Variants in EYA4 observed in about 807,000 individuals in gnomAD.
EYA4 encodes EYA transcriptional coactivator and phosphatase 4.
A neutral mutation model predicts 87.9 loss-of-function variants in EYA4; 31 were observed. The ratio of observed to expected loss-of-function variants is 0.35; its 90% CI spans 0.27 to 0.48. The LOEUF is 0.48. EYA4 is among the 20% of genes least tolerant of loss of function. The pLI is 0.99. For missense variants in EYA4, 678 were observed against 761.4 expected (o/e 0.89, Z 1.29); for synonymous variants, 263 against 270.6 (o/e 0.97, Z 0.28).
At chr6:133,246,021 C>T (rs1302823808) in intron 1 of EYA4, among the ~76,000 whole-genome samples, 1 of 152,130 alleles carries the variant, frequency 6.6e-6, no homozygotes, top group Admixed American at 6.5e-5. Flanking sequence ...CCTTTCACAC[C>T]TCCAGAAAAA....
intron 3 of EYA4, among the ~76,000 whole-genome samples, chr6:133,442,807 A>G (rs1792433991): frequency 6.6e-6 from 1 of 152,110 alleles, no homozygotes; most frequent in Non-Finnish European, 1.5e-5. Context: ...GAGTGCTTTT[A>G]TCAGACAGAG....
chr6:133,462,733 A>G lies in EYA4; in HGVS notation c.693A>G (p.Pro231=). 6.2e-7 allele frequency: 1 copy of G among 1,613,952 alleles called. No individual in the cohort carries two copies. Among genetic ancestry groups the G allele is most frequent in the Admixed American group, 1.7e-5 (1 of 59,982 alleles). The change falls in exon 9 of 20, where the codon CCA becomes CCG. Residue 231 remains proline, a synonymous_variant. Coordinates refer to ENST00000355286, the MANE Select transcript of EYA4 (RefSeq NM_004100.5). The part of the protein sequence containing the change: ...SYSPGFSTPQ[P]GQTPYSYQMP... ...GCCCAGGGTTCTCTACCCCACAGCC[A>G]GGCCAGACACCTTATTCTTACCAAA...
intron 2 of EYA4, among the ~76,000 whole-genome samples, chr6:133,319,614 C>T (rs1582944020): frequency 6.6e-6 from 1 of 150,968 alleles, no homozygotes; most frequent in East Asian, 2.0e-4. Context: ...GATATTCTTT[C>T]TAACCCCATG....
chr6:133,292,361 C>G (rs1778555239), intron 2 of EYA4, among the ~76,000 whole-genome samples: 1 of 152,098 alleles, frequency 6.6e-6, no homozygotes, highest in African/African-American at 2.4e-5. Flanking sequence ...TTTCATAATG[C>G]CAGAGTAATT....
chr6:133,476,251 G>T (rs900008553), intron 11 of EYA4, among the ~76,000 whole-genome samples: 1 of 151,950 alleles, frequency 6.6e-6, no homozygotes, highest in Non-Finnish European at 1.5e-5. Flanking sequence ...TTATCATTTT[G>T]TGGTGAGAAC....
chr6:133,370,349 AT>A (rs1469982999), intron 2 of EYA4, among the ~76,000 whole-genome samples: 1 of 152,200 alleles, frequency 6.6e-6, no homozygotes, highest in Non-Finnish European at 1.5e-5. Context: ...GCAGTCACAC[AT>A]TTAAGTGTAG....
At chr6:133,264,639 G>A (rs1309081364) in intron 1 of EYA4, among the ~76,000 whole-genome samples, 1 of 152,204 alleles carries the variant, frequency 6.6e-6, no homozygotes, top group Admixed American at 6.5e-5. Flanking sequence ...AAGCCTAGGT[G>A]TTTGGCTTTG....
At chr6:133,493,473 A>C (rs956657640) in intron 13 of EYA4, among the ~76,000 whole-genome samples, 2 of 152,172 alleles carry the variant, frequency 1.3e-5, no homozygotes, top group African/African-American at 4.8e-5. Context: ...TAAATATAAG[A>C]TCTCAAACTA....
At position 133,481,660 on chromosome 6, in the gene EYA4, C is replaced by G. The variant is rs1386274829; in HGVS notation, c.1107+61C>G. 8 of 1,540,234 alleles carry G rather than the reference C, an allele frequency of 5.2e-6. No individual in the cohort carries two copies. In the African/African-American group the frequency reaches 6.8e-5, roughly 13 times the overall value. The stretch of plus-strand genomic sequence containing the variant: ...GCTTTATTTTACCGAATGATACATT[C>G]TCTATCTTACAGTTCCATTATGTTT... On this transcript the variant is annotated intron_variant, in intron 12 of 19. Coordinates refer to ENST00000355286, the MANE Select transcript of EYA4 (RefSeq NM_004100.5).
intron 2 of EYA4, among the ~76,000 whole-genome samples, chr6:133,334,178 G>A (rs1420379364): frequency 6.6e-6 from 1 of 152,160 alleles, no homozygotes; most frequent in Non-Finnish European, 1.5e-5. Flanking sequence ...AAACTTACAA[G>A]ACAACAGAAA....
At chr6:133,251,256 T>A (rs566347072) in intron 1 of EYA4, among the ~76,000 whole-genome samples, 1 of 152,318 alleles carries the variant, frequency 6.6e-6, no homozygotes, top group East Asian at 1.9e-4. Flanking sequence ...CTCAGTTGCT[T>A]TTTTTTCAGC....
chr6:133,527,396 C>T lies in EYA4; in HGVS notation c.1840-1329C>T, dbSNP rs186060548. Among the ~76,000 whole-genome samples the T allele has an allele frequency of 1.1e-4, 16 of 152,260 alleles. No homozygotes were observed. The East Asian group carries it at 2.7e-3, about 26-fold the overall frequency. The stretch of plus-strand genomic sequence containing the variant: ...GTTTAGGAATAGGAATGTCTAGCTG[C>T]GCTCTTCCATAGAAACATGTAATAT... On this transcript the variant is annotated intron_variant, in intron 19 of 19. Transcript: ENST00000355286.
intron 4 of EYA4, among the ~76,000 whole-genome samples, 199 bp from the exon 5 acceptor site, chr6:133,447,912 A>C (rs1793013868): frequency 6.6e-6 from 1 of 152,230 alleles, no homozygotes; most frequent in Non-Finnish European, 1.5e-5. Context: ...CTCTAGGAAC[A>C]GACTGGTGAA....
At chr6:133,485,095 T>G (rs1277001809) in intron 13 of EYA4, among the ~76,000 whole-genome samples, 2 of 152,222 alleles carry the variant, frequency 1.3e-5, no homozygotes, top group African/African-American at 4.8e-5. Context: ...AAACTGGCTT[T>G]AAGAGCAATT....
At chr6:133,252,998 C>G (rs978627234) in intron 1 of EYA4, among the ~76,000 whole-genome samples, 4 of 149,790 alleles carry the variant, frequency 2.7e-5, no homozygotes, top group Non-Finnish European at 3.0e-5. Context: ...CACTCACTCT[C>G]TCTCTCTCAC....
Position 133,531,186 on chromosome 6 carries a change from T to A in EYA4, c.*2381T>A, listed in dbSNP as rs1261122884. 1 of 1,535,148 alleles carries A rather than the reference T, an allele frequency of 6.5e-7. No homozygotes were observed. The highest frequency in any genetic ancestry group is 1.4e-5 in the African/African-American group (1 of 73,136). ...CCCCGTGCAGTTTCTCACACACATC[T>A]CTTTTTCTGATTCTGTGTTCAGAAG... On this transcript the variant is annotated 3_prime_UTR_variant, in exon 20 of 20. Coordinates refer to ENST00000355286, the MANE Select transcript of EYA4 (RefSeq NM_004100.5).
At chr6:133,398,805 A>T (rs956023811) in intron 3 of EYA4, among the ~76,000 whole-genome samples, 1 of 152,190 alleles carries the variant, frequency 6.6e-6, no homozygotes. Context: ...TTGAAAAAAA[A>T]TTGCCAACAT....
At chr6:133,465,589 G>T (rs555078930) in intron 10 of EYA4, among the ~76,000 whole-genome samples, 1 of 152,116 alleles carries the variant, frequency 6.6e-6, no homozygotes. Context: ...CGTGATATAT[G>T]TTGACACTTC....
At chr6:133,416,555 C>T (rs559829152) in intron 3 of EYA4, among the ~76,000 whole-genome samples, 95 of 152,278 alleles carry the variant, frequency 6.2e-4, no homozygotes, top group African/African-American at 2.2e-3. Context: ...GAACCTATCT[C>T]TGCATCACTA....
Sources: allele counts gnomAD v4.1 joint callset (sites outside exome capture counted in the v4.1 genomes callset), GRCh38; gene constraint gnomAD v4.1.1; transcripts MANE v1.5; gene names NCBI Gene and HGNC (gene_info 2026-07-23, HGNC 2026-07-21).